ADGRL1: variants seen among roughly 807,000 people sequenced by gnomAD.
The protein encoded by ADGRL1 is adhesion G protein-coupled receptor L1, also known as CIRL-1.
Under a neutral mutation model 148.9 loss-of-function variants are expected in ADGRL1, and 31 were observed. The observed-to-expected ratio is 0.21, with a 90% CI of 0.16 to 0.28. ADGRL1 has a LOEUF of 0.28. ADGRL1 is among the 10% of genes least tolerant of loss of function. ADGRL1 has a pLI of 1.00. For synonymous variants in ADGRL1, 937 were observed against 900.3 expected, an observed-to-expected ratio of 1.04 and a Z score of -0.73; for missense variants, 1,521 against 2,058.8, an observed-to-expected ratio of 0.74 and a Z score of 5.05.
In ADGRL1 at chr19:14,151,610, G is replaced by T. The variant is rs1354894689; in HGVS notation, c.3673C>A (p.Pro1225Thr). 2 of 1,596,752 alleles carry T rather than the reference G, an allele frequency of 1.3e-6. No homozygotes were observed. Among genetic ancestry groups the T allele is most frequent in the Admixed American group, 1.7e-5 (1 of 58,802 alleles). ...CCACAGGCTTCCCGGCCTCCCAAGGGGTGCTCTGCAGGGCAGAAAGGGGCT... is the reference window on the plus strand; with the variant it reads ...CCACAGGCTTCCCGGCCTCCCAAGGTGTGCTCTGCAGGGCAGAAAGGGGCT... ...SPGSYREPKH[P>T]LGGREACGMD... Residue 1225 changes from proline to threonine, a missense_variant, in exon 23 of 23, where the codon CCC becomes ACC. By Grantham distance (38) the Pro-to-Thr change is conservative. This residue lies in a region of ADGRL1 where 390 missense variants were observed against 375.0 expected (regional missense o/e 1.04). Transcript: ENST00000361434.
At chr19:14,170,383 G>A (rs1364292169) in intron 4 of ADGRL1, 1 of 262,516 alleles carries the variant, frequency 3.8e-6, no homozygotes, top group Non-Finnish European at 7.4e-6. Context: ...ACCATGGCCT[G>A]GCAGTGTGGA....
chr19:14,156,628 T>C, intron 16 of ADGRL1, 30 bp downstream of exon 16: 3 of 1,592,082 alleles, frequency 1.9e-6, no homozygotes, highest in Non-Finnish European at 2.6e-6. Context: ...AAGGAAGATG[T>C]GGTGCTAGGG....
In ADGRL1 at chr19:14,174,824, CT is replaced by C. The variant is rs199990952; in HGVS notation, c.284+2706del. On this transcript the variant is annotated intron_variant, in intron 3 of 22. Coordinates refer to ENST00000361434, the MANE Select transcript of ADGRL1 (RefSeq NM_014921.5). ...GTGCTGGGATTACAGGCGTGAAACA[CT>C]GCACCTGGTCTGTTTTTTTTTTTTT... 6.5e-3 allele frequency among the ~76,000 whole-genome samples: 967 copies of C among 149,500 alleles called. 18 individuals carry two copies. Among genetic ancestry groups the C allele is most frequent in the African/African-American group, 0.023 (928 of 40,528 alleles).
At position 14,152,451 on chromosome 19, in the gene ADGRL1, C is replaced by G. The variant is rs1426279140; in HGVS notation, c.3521-14G>C. 1 of 1,606,408 alleles carries G rather than the reference C, an allele frequency of 6.2e-7. No homozygotes were observed. Among genetic ancestry groups the G allele is most frequent in the South Asian group, 1.1e-5 (1 of 90,470 alleles). ...TCCCCATGGTACCTGGCCAAAGGATCAGAGGTCACAAGGCAGCCGGGAGCC... is the reference window on the plus strand; with the variant it reads ...TCCCCATGGTACCTGGCCAAAGGATGAGAGGTCACAAGGCAGCCGGGAGCC... On this transcript the variant is annotated splice_polypyrimidine_tract_variant and intron_variant, in intron 20 of 22. Coordinates refer to ENST00000361434, the MANE Select transcript of ADGRL1 (RefSeq NM_014921.5). The surrounding 1 kb of genome is among the most constrained non-coding windows in gnomAD (Gnocchi z 6.1).
rs1291159868 is a variant in ADGRL1 at position 14,149,912 on chromosome 19, TTTTTC to T, written c.*956_*960del. 31 of 150,006 alleles carry T rather than the reference TTTTTC, an allele frequency of 2.1e-4. No individual in the cohort carries two copies. Among genetic ancestry groups the T allele is most frequent in the African/African-American group, 5.1e-4 (21 of 41,026 alleles). 9.3% of individuals were successfully genotyped at this position (150,006 alleles called of 1,614,324 possible). ...CCGGTGGCTTCAAGTGATGAGATTT[TTTTTC>T]TTTTCTTTTTTTTTTTTTTTGTCTT... On this transcript the variant is annotated 3_prime_UTR_variant, in exon 23 of 23. Transcript: ENST00000361434.
rs1568619000 is a variant in ADGRL1 at position 14,184,649 on chromosome 19, T to TA, written c.-95-953_-95-952insT. 1.2e-3 allele frequency among the ~76,000 whole-genome samples: 170 copies of TA among 139,132 alleles called. 1 individual carries two copies. The highest frequency in any genetic ancestry group is 7.9e-3 in the South Asian group (36 of 4,554). The allele number at this position is 139,132 out of a possible 152,430, so 91.3% of individuals were successfully genotyped here. ...TTATTTATTTATTTATTTATTTATT[T>TA]TTTTTTCTGAGACGGAGTCGTGCTC... On this transcript the variant is annotated intron_variant, in intron 1 of 22. Coordinates refer to ENST00000361434, the MANE Select transcript of ADGRL1 (RefSeq NM_014921.5).
At chr19:14,195,856 G>A (rs925292838) in intron 1 of ADGRL1, among the ~76,000 whole-genome samples, 9 of 152,088 alleles carry the variant, frequency 5.9e-5, no homozygotes, top group Admixed American at 2.0e-4. Flanking sequence ...CATGATCCTC[G>A]GGCAGGGCAG....
chr19:14,166,865 A>T lies in ADGRL1; in HGVS notation c.395-3459T>A, dbSNP rs547820623. On this transcript the variant is annotated intron_variant, in intron 4 of 22. Transcript: ENST00000361434. ...CCGTGGCCGCACCAGGGCTGGTCCC[A>T]CTGGGAGGACAACCCAGGGTGGGGG... is the stretch of plus-strand genomic sequence containing the variant. 1.1e-5 allele frequency: 9 copies of T among 790,942 alleles called. No individual in the cohort carries two copies. In the South Asian group the frequency reaches 1.4e-4, roughly 12 times the overall value. 49.0% of individuals were successfully genotyped at this position (790,942 alleles called of 1,614,324 possible). A position where few individuals can be genotyped will look rare whatever the true frequency, so the allele number is the denominator to read the frequency against.
In ADGRL1 at chr19:14,157,505, A is replaced by G; in HGVS notation, c.2536-45T>C. ...GCACGCTCAGGGCCTTTGGTTTTGC[A>G]CGCTGGGCTCAGCCAGGTGCCAGCC... On this transcript the variant is annotated intron_variant, in intron 13 of 22. Coordinates refer to ENST00000361434, the MANE Select transcript of ADGRL1 (RefSeq NM_014921.5). The surrounding 1 kb of genome is among the most constrained non-coding windows in gnomAD (Gnocchi z 7.5). 1 of 1,588,942 alleles carries G rather than the reference A, an allele frequency of 6.3e-7. No homozygotes were observed. Among genetic ancestry groups the G allele is most frequent in the Non-Finnish European group, 8.6e-7 (1 of 1,159,216 alleles).
Position 14,170,773 on chromosome 19 carries a change from C to G in ADGRL1, c.303G>C (p.Gln101His). 6.3e-7 allele frequency: 1 copy of G among 1,595,246 alleles called. No homozygotes were observed. Among genetic ancestry groups the G allele is most frequent in the Non-Finnish European group, 8.6e-7 (1 of 1,167,500 alleles). Reference protein sequence around the residue: ...IMSQRCNNRTQCVVVAGSDAF... With the variant: ...IMSQRCNNRTHCVVVAGSDAF... Reference sequence around the variant, plus strand: ...CATCCGAGCCGGCGACCACCACGCACTGGGTGCGGTTGTTACACCTTCAGA... The same window carrying G: ...CATCCGAGCCGGCGACCACCACGCAGTGGGTGCGGTTGTTACACCTTCAGA... Residue 101 changes from glutamine (Q) to histidine (H), a missense_variant, in exon 4 of 23, where the codon CAG (glutamine) becomes CAC (histidine). Physicochemically the swap from Gln to His is conservative, Grantham distance 24. This residue lies in a region of ADGRL1 where 334 missense variants were observed against 512.5 expected (regional missense o/e 0.65). Transcript: ENST00000361434.
At chr19:14,195,230 A>C (rs1487649983) in intron 1 of ADGRL1, among the ~76,000 whole-genome samples, 2 of 152,028 alleles carry the variant, frequency 1.3e-5, no homozygotes, top group East Asian at 3.9e-4. Context: ...ACGGGGCTGC[A>C]CACCTGCCTG....
At chr19:14,172,855 G>C (rs1413467844) in intron 3 of ADGRL1, among the ~76,000 whole-genome samples, 1 of 152,062 alleles carries the variant, frequency 6.6e-6, no homozygotes, top group Non-Finnish European at 1.5e-5. Context: ...CAACTGTCAC[G>C]GTTTCACAGT....
At chr19:14,187,881 A>G (rs1282425469) in intron 1 of ADGRL1, among the ~76,000 whole-genome samples, 1 of 151,900 alleles carries the variant, frequency 6.6e-6, no homozygotes, top group African/African-American at 2.4e-5. Flanking sequence ...AGGGTCTCCA[A>G]GCGCTTTCTT....
chr19:14,161,760 G>T lies in ADGRL1; in HGVS notation c.1196-134C>A, dbSNP rs1011275100. The T allele has an allele frequency of 3.4e-6, 2 of 591,330 alleles. No individual in the cohort carries two copies. Among genetic ancestry groups the T allele is most frequent in the Non-Finnish European group, 5.2e-6 (2 of 384,330 alleles). 36.6% of individuals were successfully genotyped at this position (591,330 alleles called of 1,614,324 possible). ...GGAAACACGTGCCGGGCCCCACTGGGTCTATGAGTTGATCTCCCCTGGCCG... is the reference window on the plus strand; with the variant it reads ...GGAAACACGTGCCGGGCCCCACTGGTTCTATGAGTTGATCTCCCCTGGCCG... On this transcript the variant is annotated intron_variant, in intron 5 of 22. Transcript: ENST00000361434. This position sits in a 1 kb window ranked among gnomAD's most constrained non-coding sequence, Gnocchi z 4.4.
intron 3 of ADGRL1, among the ~76,000 whole-genome samples, chr19:14,171,719 G>T (rs1228374675): frequency 6.6e-6 from 1 of 152,192 alleles, no homozygotes. Flanking sequence ...GCAGCCAGGA[G>T]AGAGCATCCC....
In ADGRL1 at chr19:14,148,216, C is replaced by A. The variant is rs1967787519; in HGVS notation, c.*2657G>T. 6.5e-6 allele frequency: 1 copy of A among 152,878 alleles called. No homozygotes were observed. Among genetic ancestry groups the A allele is most frequent in the South Asian group, 2.1e-4 (1 of 4,826 alleles). The allele number at this position is 152,878 out of a possible 1,614,324, so 9.5% of individuals were successfully genotyped here. A position where few individuals can be genotyped will look rare whatever the true frequency, so the allele number is the denominator to read the frequency against. ...CAGGTCTGGTTAGGTTGGGGGGACA[C>A]CTGGGCTCTGGGGGCGGCTTTGCAC... On this transcript the variant is annotated 3_prime_UTR_variant, in exon 23 of 23. Coordinates refer to ENST00000361434, the MANE Select transcript of ADGRL1 (RefSeq NM_014921.5).
intron 3 of ADGRL1, among the ~76,000 whole-genome samples, chr19:14,171,854 G>C (rs1970495050): frequency 6.6e-6 from 1 of 152,244 alleles, no homozygotes; most frequent in Non-Finnish European, 1.5e-5. Context: ...TCTGCTGTCT[G>C]TCCCCACTGT....
At position 14,160,469 on chromosome 19, in the gene ADGRL1, AC is replaced by A; in HGVS notation, c.1614+123del. On this transcript the variant is annotated intron_variant, in intron 7 of 22. Coordinates refer to ENST00000361434, the MANE Select transcript of ADGRL1 (RefSeq NM_014921.5). This position sits in a 1 kb window ranked among gnomAD's most constrained non-coding sequence, Gnocchi z 5.9. ...GCTCCCTTTGTAGGCCAGGGAGGTGACCCCACAGTCCTGCCTTCCAGACCTG... is the reference window on the plus strand; with the variant it reads ...GCTCCCTTTGTAGGCCAGGGAGGTGACCCACAGTCCTGCCTTCCAGACCTG... The A allele has an allele frequency of 1.1e-6, 1 of 913,904 alleles. No homozygotes were observed. Among genetic ancestry groups the A allele is most frequent in the South Asian group, 1.7e-5 (1 of 57,614 alleles). 56.6% of individuals were successfully genotyped at this position (913,904 alleles called of 1,614,324 possible).
intron 1 of ADGRL1, among the ~76,000 whole-genome samples, chr19:14,202,821 C>A (rs1331696913): frequency 1.3e-5 from 2 of 152,022 alleles, no homozygotes; most frequent in African/African-American, 4.8e-5. Flanking sequence ...GCATGACCAC[C>A]CCCTCTGCAA....
Sources: gnomAD v4.1 joint callset for allele counts (sites outside exome capture counted in the v4.1 genomes callset) on GRCh38, gnomAD v4.1.1 for gene constraint, gnomAD v4.1.1 regional missense constraint, Gnocchi (gnomAD v3.1) non-coding constraint, MANE v1.5 for transcripts, NCBI Gene and HGNC (gene_info 2026-07-23, HGNC 2026-07-21) for gene names.